The following LACC1 variants were observed in gnomAD, a reference collection of about 807,000 sequenced individuals.
LACC1 encodes the protein purine nucleoside phosphorylase LACC1.
LACC1 carries 25 observed loss-of-function variants against 34.8 expected under a neutral mutation model. That is an observed-to-expected ratio of 0.72 (90% CI 0.52 to 1.00). The LOEUF is 1.00. Ranked by LOEUF, LACC1 falls within the 50% of genes least tolerant of loss-of-function variation. LACC1 has a pLI of 0.00. For missense variants in LACC1, 426 were observed against 511.2 expected (o/e 0.83, Z 1.61); for synonymous variants, 162 against 168.0 (o/e 0.96, Z 0.28).
At chr13:43,884,618 T>TA in intron 4 of LACC1, among the ~76,000 whole-genome samples, 1 of 152,348 alleles carries the variant, frequency 6.6e-6, no homozygotes, top group East Asian at 1.9e-4. Flanking sequence ...GTGTTAAGGA[T>TA]ATGGAATTTT....
upstream of LACC1, chr13:43,879,284 A>C (rs1334279692): frequency 6.6e-6 from 1 of 152,444 alleles, no homozygotes; most frequent in South Asian, 2.0e-4. Context: ...TGCCCTCTGG[A>C]GACCTGCAGC....
At chr13:43,886,851 TG>T (rs1397919433) in intron 4 of LACC1, among the ~76,000 whole-genome samples, 2 of 152,154 alleles carry the variant, frequency 1.3e-5, no homozygotes, top group African/African-American at 4.8e-5. Context: ...AATTCTTCTA[TG>T]GGACTAATTT....
Position 43,880,978 on chromosome 13 carries a change from T to C in LACC1, c.-8T>C, listed in dbSNP as rs1286601222. 6.2e-7 allele frequency: 1 copy of C among 1,604,522 alleles called. No homozygotes were observed. Among genetic ancestry groups the C allele is most frequent in the African/African-American group, 1.3e-5 (1 of 74,340 alleles). On this transcript the variant is annotated 5_prime_UTR_variant, in exon 2 of 7. Transcript: ENST00000325686. ...TGATTTATTTGGCATAAAAGTATTC[T>C]TTCAAGGATGGCAGAAGCTGTTTTG... is the stretch of plus-strand genomic sequence containing the variant.
chr13:43,885,884 C>G (rs1283527535), intron 4 of LACC1, among the ~76,000 whole-genome samples: 1 of 152,010 alleles, frequency 6.6e-6, no homozygotes, highest in African/African-American at 2.4e-5. Flanking sequence ...CACCGAGACT[C>G]TATAAGGAAC....
Position 43,890,192 on chromosome 13 carries a change from C to T in LACC1, c.1212C>T (p.Cys404=). ...AAGATCTCAACCTCTGTACATCTTG[C>T]CATCCTGACAAGTTTTTCTCCCATG... is the stretch of plus-strand genomic sequence containing the variant. ...QNQDLNLCTS[C]HPDKFFSHVR... Residue 404 remains cysteine (C), a synonymous_variant, in exon 6 of 7, where the codon TGC becomes TGT. Coordinates refer to ENST00000325686, the MANE Select transcript of LACC1 (RefSeq NM_153218.4). The T allele has an allele frequency of 6.2e-7, 1 of 1,613,108 alleles. No homozygotes were observed. Among genetic ancestry groups the T allele is most frequent in the South Asian group, 1.1e-5 (1 of 91,032 alleles).
intron 6 of LACC1, among the ~76,000 whole-genome samples, chr13:43,890,866 T>A (rs983060888): frequency 6.6e-6 from 1 of 152,248 alleles, no homozygotes; most frequent in African/African-American, 2.4e-5. Flanking sequence ...ATATCTCAGC[T>A]ACTCAGCTTC....
chr13:43,888,465 A>C (rs768147622), intron 4 of LACC1, among the ~76,000 whole-genome samples: 2 of 152,132 alleles, frequency 1.3e-5, no homozygotes, highest in African/African-American at 2.4e-5. Context: ...TTTTAACCAC[A>C]ATCTTTTAAA....
In LACC1 at chr13:43,883,914, A is replaced by ACT. The variant is rs1362449126; in HGVS notation, c.885_886insCT (p.Ala296LeufsTer22). ...TAGTTTTTGCAGATCCAGTCAAAAA[A>ACT]GCATGTGGGGTTGCTCACGCTGGTA... On this transcript the variant is annotated frameshift_variant, in exon 4 of 7. Coordinates refer to ENST00000325686, the MANE Select transcript of LACC1 (RefSeq NM_153218.4). LOFTEE classifies it high-confidence loss of function. The ACT allele has an allele frequency of 1.2e-6, 2 of 1,613,030 alleles. No individual in the cohort carries two copies. Among genetic ancestry groups the ACT allele is most frequent in the Non-Finnish European group, 1.7e-6 (2 of 1,179,386 alleles).
intron 1 of LACC1, 54 bp from the exon 2 acceptor site, chr13:43,880,898 T>G (rs1333413416): frequency 1.7e-6 from 2 of 1,157,112 alleles, no homozygotes; most frequent in Non-Finnish European, 2.4e-6. Flanking sequence ...AAATTTCTGT[T>G]GTAACTATAA....
chr13:43,882,850 C>T (rs1384111843), intron 3 of LACC1, among the ~76,000 whole-genome samples: 2 of 152,048 alleles, frequency 1.3e-5, no homozygotes. Flanking sequence ...AAGATAACTA[C>T]CAAATTATTT....
At chr13:43,891,004 A>G (rs1955546821) in intron 6 of LACC1, among the ~76,000 whole-genome samples, 1 of 152,240 alleles carries the variant, frequency 6.6e-6, no homozygotes, top group Admixed American at 6.5e-5. Context: ...CTGCTCCTGT[A>G]GTCCCAGCTC....
chr13:43,888,020 C>T (rs997899716), intron 4 of LACC1, among the ~76,000 whole-genome samples: 4 of 152,090 alleles, frequency 2.6e-5, no homozygotes, highest in Non-Finnish European at 4.4e-5. Flanking sequence ...CACGATTATT[C>T]GCAATAGCCA....
chr13:43,883,767 T>C lies in LACC1; in HGVS notation c.742-4T>C. On this transcript the variant is annotated splice_polypyrimidine_tract_variant and splice_region_variant and intron_variant, in intron 3 of 6. Coordinates refer to ENST00000325686, the MANE Select transcript of LACC1 (RefSeq NM_153218.4). ...ACATTTTTGTTGCACATTTTTGGTA[T>C]TAGACTCATCATTCCAATGACATCT... 6.2e-7 allele frequency: 1 copy of C among 1,606,238 alleles called. No individual in the cohort carries two copies. The highest frequency in any genetic ancestry group is 8.5e-7 in the Non-Finnish European group (1 of 1,175,776).
chr13:43,891,823 CA>C lies in LACC1; in HGVS notation c.*377del, dbSNP rs1955578401. On this transcript the variant is annotated 3_prime_UTR_variant, in exon 7 of 7. Coordinates refer to ENST00000325686, the MANE Select transcript of LACC1 (RefSeq NM_153218.4). Reference sequence around the variant, plus strand: ...ACAACTTTTTCCTTTGAGTCTGATACAGTGAAGGAGATAAACACTTCTACAA... The same window carrying C: ...ACAACTTTTTCCTTTGAGTCTGATACGTGAAGGAGATAAACACTTCTACAA... 6.6e-6 allele frequency: 1 copy of C among 152,592 alleles called. No individual in the cohort carries two copies. 9.5% of individuals were successfully genotyped at this position (152,592 alleles called of 1,614,324 possible).
chr13:43,883,580 T>TA (rs35794498), intron 3 of LACC1, among the ~76,000 whole-genome samples, 191 bp from the exon 4 acceptor site: 140,178 of 152,182 alleles, frequency 0.92, 64,874 homozygotes, highest in Middle Eastern at 0.99. Flanking sequence ...GAGATTATAA[T>TA]CTAAAATCTT....
In LACC1 at chr13:43,882,108, G is replaced by A. The variant is rs913025984; in HGVS notation, c.563-77G>A. 8.2e-6 allele frequency: 9 copies of A among 1,091,408 alleles called. No homozygotes were observed. The African/African-American group carries it at 1.3e-4, about 15-fold the overall frequency. 67.6% of individuals were successfully genotyped at this position (1,091,408 alleles called of 1,614,324 possible). A position where few individuals can be genotyped will look rare whatever the true frequency, so the allele number is the denominator to read the frequency against. On this transcript the variant is annotated intron_variant, in intron 2 of 6. Transcript: ENST00000325686. The stretch of plus-strand genomic sequence containing the variant: ...AGCCAAATAACAAGGGCAGGTAGCA[G>A]TGATCAGGGAAGGTCTAATTGAGAG...
chr13:43,887,246 G>A (rs1955374620), intron 4 of LACC1, among the ~76,000 whole-genome samples: 1 of 152,114 alleles, frequency 6.6e-6, no homozygotes, highest in African/African-American at 2.4e-5. Context: ...GTTACCTGTA[G>A]AGGCTGAACC....
intron 1 of LACC1, among the ~76,000 whole-genome samples, chr13:43,880,398 A>G (rs1231596549): frequency 1.3e-5 from 2 of 152,110 alleles, no homozygotes; most frequent in Non-Finnish European, 2.9e-5. Context: ...AGTTGAGAGG[A>G]AGCCTGTCTC....
intron 6 of LACC1, 63 bp from the exon 7 acceptor site, chr13:43,891,386 C>T (rs934714683): frequency 2.0e-5 from 16 of 815,862 alleles, no homozygotes; most frequent in Non-Finnish European, 2.4e-5. Context: ...CTTCATGACT[C>T]TTACCTTGAT....
Sources: allele counts gnomAD v4.1 joint callset (sites outside exome capture counted in the v4.1 genomes callset), GRCh38; gene constraint gnomAD v4.1.1; transcripts MANE v1.5; gene names NCBI Gene and HGNC (gene_info 2026-07-23, HGNC 2026-07-21).